Variants in FNBP1 observed in about 807,000 individuals in gnomAD.
FNBP1 encodes formin-binding protein 1.
FNBP1 carries 26 observed loss-of-function variants against 90.6 expected under a neutral mutation model. The ratio of observed to expected loss-of-function variants is 0.29; its 90% CI spans 0.21 to 0.40. The LOEUF (loss-of-function observed/expected upper bound fraction) is 0.40. Ranked by LOEUF, FNBP1 falls within the 10% of genes least tolerant of loss-of-function variation. The pLI is 1.00. For missense variants in FNBP1, 635 were observed against 768.0 expected (o/e 0.83, Z 2.05); for synonymous variants, 260 against 265.2 (o/e 0.98, Z 0.19).
At chr9:129,902,348 A>G (rs2037119127) in intron 13 of FNBP1, among the ~76,000 whole-genome samples, 1 of 152,232 alleles carries the variant, frequency 6.6e-6, no homozygotes, top group Non-Finnish European at 1.5e-5. Flanking sequence ...CTGTAATCCC[A>G]GCACTCTGGG....
the FNBP1 span, among the ~76,000 whole-genome samples, chr9:130,051,242 G>T: frequency 5.3e-5 from 8 of 151,780 alleles, no homozygotes; most frequent in African/African-American, 1.9e-4. Context: ...TCACCATGTT[G>T]CCCAGGCTGG....
At chr9:130,052,067 G>A in the FNBP1 span, among the ~76,000 whole-genome samples, 1 of 152,206 alleles carries the variant, frequency 6.6e-6, no homozygotes, top group Admixed American at 6.5e-5. Context: ...ATGGCTAAAT[G>A]TAATTGTCAA....
chr9:129,931,252 C>T (rs547715504), intron 6 of FNBP1, among the ~76,000 whole-genome samples: 5 of 152,156 alleles, frequency 3.3e-5, no homozygotes, highest in Admixed American at 3.3e-4. Flanking sequence ...GCTGTGATCA[C>T]TACCACTGCA....
intron 1 of FNBP1, among the ~76,000 whole-genome samples, chr9:130,034,527 G>A (rs1013259332): frequency 2.1e-4 from 32 of 152,250 alleles, no homozygotes; most frequent in African/African-American, 7.7e-4. Flanking sequence ...TTTTCGCCAA[G>A]ACATACTTCT....
chr9:129,934,299 C>T (rs561331237), intron 6 of FNBP1, among the ~76,000 whole-genome samples: 1 of 152,292 alleles, frequency 6.6e-6, no homozygotes, highest in South Asian at 2.1e-4. Flanking sequence ...AGCAATATTA[C>T]TACAGGGCAG....
At chr9:130,025,189 A>T (rs923839607) in intron 1 of FNBP1, among the ~76,000 whole-genome samples, 1 of 152,078 alleles carries the variant, frequency 6.6e-6, no homozygotes, top group Non-Finnish European at 1.5e-5. Context: ...CAAAAAAAAA[A>T]ATAGTCCCTG....
intron 1 of FNBP1, among the ~76,000 whole-genome samples, chr9:130,012,389 A>G (rs1027828010): frequency 3.9e-5 from 6 of 152,036 alleles, no homozygotes; most frequent in African/African-American, 1.2e-4. Flanking sequence ...TATCATTTTC[A>G]TCATCATCAT....
chr9:129,905,425 C>A (rs1001136837), intron 12 of FNBP1, among the ~76,000 whole-genome samples: 2 of 151,844 alleles, frequency 1.3e-5, no homozygotes, highest in Admixed American at 1.3e-4. Flanking sequence ...GACTCTCCTG[C>A]CTCAGCCTCC....
chr9:129,932,155 G>A (rs1190624654), intron 6 of FNBP1, among the ~76,000 whole-genome samples: 4 of 149,646 alleles, frequency 2.7e-5, no homozygotes, highest in Non-Finnish European at 4.5e-5. Flanking sequence ...AGGTTGCAGC[G>A]AGCCGAGATC....
Position 129,957,550 on chromosome 9 carries a change from C to CTTTTTCTTTTT in FNBP1, c.409-97_409-87dup, listed in dbSNP as rs1213160393. 1.9e-6 allele frequency: 2 copies of CTTTTTCTTTTT among 1,061,372 alleles called. No homozygotes were observed. The highest frequency in any genetic ancestry group is 2.7e-6 in the Non-Finnish European group (2 of 729,664). The allele number at this position is 1,061,372 out of a possible 1,614,324, so 65.7% of individuals were successfully genotyped here. On this transcript the variant is annotated intron_variant, in intron 5 of 16. Coordinates refer to ENST00000446176, the MANE Select transcript of FNBP1 (RefSeq NM_015033.3). The surrounding 1 kb of genome is among the most constrained non-coding windows in gnomAD (Gnocchi z 4.3). Reference sequence around the variant, plus strand: ...TCTAAAGCTCCCAAAGAGCATTGTTCTTTTTCTTTTTTTTTTCTTCAGTCA... The same window carrying CTTTTTCTTTTT: ...TCTAAAGCTCCCAAAGAGCATTGTTCTTTTTCTTTTTTTTTTCTTTTTTTTTTCTTCAGTCA...
At chr9:130,002,409 G>A (rs548510241) in intron 1 of FNBP1, among the ~76,000 whole-genome samples, 6 of 152,206 alleles carry the variant, frequency 3.9e-5, no homozygotes, top group East Asian at 3.9e-4. Context: ...GGGTCATGGC[G>A]GCAGATCCTT....
Position 129,887,224 on chromosome 9 carries a change from T to C in FNBP1, c.*3315A>G, listed in dbSNP as rs2034808766. The stretch of plus-strand genomic sequence containing the variant: ...TTTATTTTAACACGAGATTAACATA[T>C]AGTTACAAGGTCAATACAAGCCTCC... On this transcript the variant is annotated 3_prime_UTR_variant, in exon 17 of 17. Transcript: ENST00000446176. 1.1e-5 allele frequency: 2 copies of C among 181,702 alleles called. No homozygotes were observed. The highest frequency in any genetic ancestry group is 2.3e-5 in the Non-Finnish European group (2 of 85,224). 11.3% of individuals were successfully genotyped at this position (181,702 alleles called of 1,614,324 possible).
intron 1 of FNBP1, among the ~76,000 whole-genome samples, chr9:129,998,206 AAAAAAG>A (rs1430471299): frequency 7.4e-6 from 1 of 135,776 alleles, no homozygotes; most frequent in Non-Finnish European, 1.6e-5. Flanking sequence ...GAAAAAAAAA[AAAAAAG>A]AAAAAAAATG....
chr9:129,903,132 AC>A (rs2037281683), intron 12 of FNBP1, 131 bp from the exon 13 acceptor site: 4 of 819,770 alleles, frequency 4.9e-6, no homozygotes, highest in Non-Finnish European at 3.7e-6. Context: ...GCTCACTGCA[AC>A]CTTCACCTCC....
the FNBP1 span, among the ~76,000 whole-genome samples, chr9:130,048,687 C>T: frequency 6.6e-6 from 1 of 150,612 alleles, no homozygotes; most frequent in East Asian, 2.0e-4. Flanking sequence ...ACCATGTTAG[C>T]CAGGATGGTC....
chr9:129,890,517 C>T lies in FNBP1; in HGVS notation c.*22G>A. 6.3e-7 allele frequency: 1 copy of T among 1,582,420 alleles called. No homozygotes were observed. Among genetic ancestry groups the T allele is most frequent in the Non-Finnish European group, 8.6e-7 (1 of 1,164,620 alleles). On this transcript the variant is annotated 3_prime_UTR_variant, in exon 17 of 17. Coordinates refer to ENST00000446176, the MANE Select transcript of FNBP1 (RefSeq NM_015033.3). The surrounding 1 kb of genome is among the most constrained non-coding windows in gnomAD (Gnocchi z 5.8). ...GGAGGCTCCTCCAGGAAGGCTCACC[C>T]GAGGCTCGCAGGCACTCCCCTCTAG...
At chr9:129,913,151 T>C (rs1165299192) in intron 11 of FNBP1, among the ~76,000 whole-genome samples, 4 of 152,108 alleles carry the variant, frequency 2.6e-5, no homozygotes, top group Non-Finnish European at 5.9e-5. Context: ...GAGGATGCAG[T>C]GAGCCAGGAT....
Position 130,043,118 on chromosome 9 carries a change from G to T in FNBP1, c.-143C>A. On this transcript the variant is annotated 5_prime_UTR_variant, in exon 1 of 17. Coordinates refer to ENST00000446176, the MANE Select transcript of FNBP1 (RefSeq NM_015033.3). ...GGCCTCCTCCGGCTCGCAGCTCCTC[G>T]CCCGGGGTCTCCTCGGCGGCTCCTC... is the stretch of plus-strand genomic sequence containing the variant. 3.1e-6 allele frequency: 2 copies of T among 644,962 alleles called. No homozygotes were observed. Among genetic ancestry groups the T allele is most frequent in the Non-Finnish European group, 4.4e-6 (2 of 455,444 alleles). The allele number at this position is 644,962 out of a possible 1,614,324, so 40.0% of individuals were successfully genotyped here. A position where few individuals can be genotyped will look rare whatever the true frequency, so the allele number is the denominator to read the frequency against.
At chr9:129,916,616 CA>C (rs146793521) in intron 10 of FNBP1, among the ~76,000 whole-genome samples, 7 of 119,448 alleles carry the variant, frequency 5.9e-5, no homozygotes, top group African/African-American at 1.2e-4. Flanking sequence ...AACTCCATCT[CA>C]AAAAAAAAAC....
Sources: allele counts gnomAD v4.1 joint callset (sites outside exome capture counted in the v4.1 genomes callset), GRCh38; gene constraint gnomAD v4.1.1; non-coding constraint Gnocchi (gnomAD v3.1); transcripts MANE v1.5; gene names NCBI Gene and HGNC (gene_info 2026-07-23, HGNC 2026-07-21).